HDAC9: variants seen among roughly 807,000 people sequenced by gnomAD.
HDAC9 encodes the protein histone deacetylase 9, also known as MEF-2 interacting transcription repressor (MITR) protein.
A neutral mutation model predicts 139.4 loss-of-function variants in HDAC9; 41 were observed. That is an observed-to-expected ratio of 0.29 (90% confidence interval 0.23 to 0.38). HDAC9 has a LOEUF of 0.38. HDAC9 is among the 10% of genes least tolerant of loss of function. The pLI, the probability that HDAC9 is intolerant of heterozygous loss-of-function variation, is 1.00. For synonymous variants in HDAC9, 517 were observed against 476.2 expected (o/e 1.09, Z -1.12); for missense variants, 1,147 against 1,297.0 (o/e 0.88, Z 1.78).
chr7:18,736,790 A>T (rs983637131), intron 13 of HDAC9, among the ~76,000 whole-genome samples: 9 of 152,116 alleles, frequency 5.9e-5, no homozygotes. Flanking sequence ...TATTTATTGG[A>T]ATAGTTTCAG....
In HDAC9 at chr7:18,725,466, T is replaced by C. The variant is rs1384945841; in HGVS notation, c.1732-2114T>C. Among the ~76,000 whole-genome samples the C allele has an allele frequency of 4.2e-3, 6 of 1,440 alleles. No homozygotes were observed. The East Asian group carries it at 0.097, about 23-fold the overall frequency. 0.9% of individuals were successfully genotyped at this position (1,440 alleles called of 152,430 possible). ...TGACAGGCTGTAGAGATTCTTCAAA[T>C]TTGGGTTGACTTCGGAGTCTTTTTG... On this transcript the variant is annotated intron_variant, in intron 12 of 25. Coordinates refer to ENST00000686413, the MANE Select transcript of HDAC9 (RefSeq NM_178425.4).
At chr7:18,754,212 A>G (rs1006271360) in intron 14 of HDAC9, among the ~76,000 whole-genome samples, 2 of 151,990 alleles carry the variant, frequency 1.3e-5, no homozygotes, top group Admixed American at 6.6e-5. Flanking sequence ...TTCTGTTGGG[A>G]GCAAAGAGCA....
At chr7:18,677,016 T>C (rs1781560106) in intron 12 of HDAC9, among the ~76,000 whole-genome samples, 1 of 151,926 alleles carries the variant, frequency 6.6e-6, no homozygotes, top group Admixed American at 6.6e-5. Flanking sequence ...AAACTCCACT[T>C]GATATATATA....
chr7:18,817,235 C>T (rs533849033), intron 17 of HDAC9, among the ~76,000 whole-genome samples: 24 of 152,146 alleles, frequency 1.6e-4, no homozygotes, highest in Non-Finnish European at 3.1e-4. Context: ...CGGGTTTCAC[C>T]GTGTTAGCCA....
intron 13 of HDAC9, among the ~76,000 whole-genome samples, chr7:18,733,175 A>T (rs1000172611): frequency 6.8e-6 from 1 of 147,728 alleles, no homozygotes; most frequent in Non-Finnish European, 1.5e-5. Context: ...ACACATGTAT[A>T]TATGTGTCTA....
intron 2 of HDAC9, among the ~76,000 whole-genome samples, chr7:18,270,411 A>G (rs954745814): frequency 6.6e-6 from 1 of 152,206 alleles, no homozygotes; most frequent in African/African-American, 2.4e-5. Flanking sequence ...GTTCAATGCT[A>G]CATTACTTAT....
In HDAC9 at chr7:18,573,218, G is replaced by T. The variant is rs116724433; in HGVS notation, c.23-12063G>T. 3.9e-3 allele frequency among the ~76,000 whole-genome samples: 593 copies of T among 152,294 alleles called. 6 individuals carry two copies. The highest frequency in any genetic ancestry group is 0.014 in the African/African-American group (582 of 41,554). Reference sequence around the variant, plus strand: ...CATGGATAACTTGAACAGAATCACTGTGAGGGAGAATTGTATTTCTGGATT... The same window carrying T: ...CATGGATAACTTGAACAGAATCACTTTGAGGGAGAATTGTATTTCTGGATT... On this transcript the variant is annotated intron_variant, in intron 2 of 25. Coordinates refer to ENST00000686413, the MANE Select transcript of HDAC9 (RefSeq NM_178425.4).
chr7:18,771,844 T>C (rs1414787453), intron 16 of HDAC9, among the ~76,000 whole-genome samples: 1 of 152,144 alleles, frequency 6.6e-6, no homozygotes, highest in Admixed American at 6.6e-5. Flanking sequence ...TGGTTAATAA[T>C]GCATTTTACT....
rs801507 is a variant in HDAC9 at position 18,636,596 on chromosome 7, T to C, written c.912+1854T>C. Among the ~76,000 whole-genome samples, 1,150 of 152,216 alleles carry C rather than the reference T, an allele frequency of 7.6e-3. 20 individuals carry two copies. The highest frequency in any genetic ancestry group is 0.026 in the African/African-American group (1,100 of 41,556). On this transcript the variant is annotated intron_variant, in intron 8 of 25. Coordinates refer to ENST00000686413, the MANE Select transcript of HDAC9 (RefSeq NM_178425.4). ...CTGTCGTTTGACCATTTTCAGCTAT[T>C]TAAAGAATAGTAATTCTGGCCTCTA...
At chr7:18,521,221 C>T (rs1804923572) in intron 2 of HDAC9, among the ~76,000 whole-genome samples, 1 of 152,164 alleles carries the variant, frequency 6.6e-6, no homozygotes, top group African/African-American at 2.4e-5. Context: ...CTACAAACCT[C>T]ATTCTTGGAT....
chr7:18,380,522 G>A lies in HDAC9; in HGVS notation c.-42+90007G>A, dbSNP rs531856294. 5.3e-5 allele frequency among the ~76,000 whole-genome samples: 8 copies of A among 152,344 alleles called. No homozygotes were observed. The South Asian group carries it at 1.4e-3, about 28-fold the overall frequency. On this transcript the variant is annotated intron_variant, in intron 1 of 3. Coordinates refer to the HDAC9 transcript ENST00000413509. ...AGGGTATTTGGTGAAACAGAAGAGA[G>A]TCATCTGTATAGAGAGGAAGGATGC...
intron 2 of HDAC9, among the ~76,000 whole-genome samples, chr7:18,262,556 TAAGG>T: frequency 1.3e-5 from 2 of 152,170 alleles, no homozygotes; most frequent in Admixed American, 1.3e-4. Flanking sequence ...ATAACACTAA[TAAGG>T]TAACTGCATA....
rs200648433 is a variant in HDAC9, at chr7:18,996,054, G to C, written c.3202G>C (p.Ala1068Pro). 2 of 1,605,122 alleles carry C rather than the reference G, an allele frequency of 1.2e-6. No individual in the cohort carries two copies. The highest frequency in any genetic ancestry group is 2.2e-5 in the East Asian group (1 of 44,640). ...TAGEPMEEEP[A>P]L is the part of the protein sequence containing the mutation. ...TGGTGAGCCTATGGAAGAGGAGCCA[G>C]CCTTGTGAAGTGCCAAGTCCCCCTC... Residue 1068 changes from alanine to proline, a missense_variant, in exon 26 of 26, where the codon GCC (alanine) becomes CCC (proline). By Grantham distance (27) the Ala-to-Pro change is conservative. Coordinates refer to ENST00000686413, the MANE Select transcript of HDAC9 (RefSeq NM_178425.4).
intron 2 of HDAC9, among the ~76,000 whole-genome samples, chr7:18,574,174 C>G (rs775645175): frequency 4.7e-4 from 72 of 152,306 alleles, no homozygotes; most frequent in South Asian, 1.0e-3. Flanking sequence ...AGAGGAGACC[C>G]ACAGTGGTTA....
At chr7:18,982,569 A>G (rs1420128349) in intron 25 of HDAC9, among the ~76,000 whole-genome samples, 1 of 152,102 alleles carries the variant, frequency 6.6e-6, no homozygotes, top group Non-Finnish European at 1.5e-5. Flanking sequence ...TCATATAAAC[A>G]CCACCCAGAA....
chr7:18,117,000 A>C (rs898780991), intron 1 of HDAC9, among the ~76,000 whole-genome samples: 1 of 152,164 alleles, frequency 6.6e-6, no homozygotes, highest in Admixed American at 6.5e-5. Context: ...CATTAGCCTG[A>C]ATAACATTTC....
chr7:18,185,932 T>G (rs886796666), intron 2 of HDAC9, among the ~76,000 whole-genome samples: 3 of 152,210 alleles, frequency 2.0e-5, no homozygotes, highest in Non-Finnish European at 4.4e-5. Context: ...GCTTTTTCTG[T>G]AAAACTGGGA....
intron 12 of HDAC9, among the ~76,000 whole-genome samples, chr7:18,673,426 G>T (rs916581375): frequency 1.3e-5 from 2 of 152,002 alleles, no homozygotes; most frequent in Non-Finnish European, 2.9e-5. Context: ...TGGTTGGCAA[G>T]AATTGAGGTA....
chr7:18,651,036 A>T (rs151277558), intron 11 of HDAC9, among the ~76,000 whole-genome samples: 1 of 152,164 alleles, frequency 6.6e-6, no homozygotes, highest in Non-Finnish European at 1.5e-5. Flanking sequence ...CCCATGTCCT[A>T]TCCTGAAATA....
Sources: allele counts gnomAD v4.1 joint callset (sites outside exome capture counted in the v4.1 genomes callset), GRCh38; gene constraint gnomAD v4.1.1; transcripts MANE v1.5; gene names NCBI Gene and HGNC (gene_info 2026-07-23, HGNC 2026-07-21).